The following PTCHD4 variants were observed in gnomAD, a reference collection of about 807,000 sequenced individuals.
The protein encoded by PTCHD4 is patched domain containing 4, also known as patched domain-containing protein 4.
PTCHD4 carries 33 observed loss-of-function variants against 58.1 expected under a neutral mutation model. The observed-to-expected ratio is 0.57, with a 90% CI of 0.43 to 0.76. The LOEUF (loss-of-function observed/expected upper bound fraction) is 0.76, where lower values mean the gene tolerates loss of function less well. Among genes scored for constraint, PTCHD4 ranks in the 30% least tolerant of loss-of-function variants. PTCHD4 has a pLI of 0.00. For synonymous variants in PTCHD4, 478 were observed against 409.6 expected, an observed-to-expected ratio of 1.17 and a Z score of -2.02; for missense variants, 1,058 against 1,027.1, an observed-to-expected ratio of 1.03 and a Z score of -0.41.
At chr6:48,074,881 T>G (rs906258940) in intron 1 of PTCHD4, among the ~76,000 whole-genome samples, 1 of 152,230 alleles carries the variant, frequency 6.6e-6, no homozygotes, top group African/African-American at 2.4e-5. Flanking sequence ...AATTCATTTA[T>G]GTTAAAAAGC....
intron 4 of PTCHD4, among the ~76,000 whole-genome samples, chr6:47,958,332 C>T (rs1766949637): frequency 6.6e-6 from 1 of 152,100 alleles, no homozygotes; most frequent in South Asian, 2.1e-4. Context: ...AAGAACAAGA[C>T]CACAAGACAA....
chr6:47,951,610 C>A (rs1442005743), intron 4 of PTCHD4, among the ~76,000 whole-genome samples: 2 of 152,072 alleles, frequency 1.3e-5, no homozygotes, highest in Non-Finnish European at 2.9e-5. Context: ...GGCCATGCCC[C>A]AAACAAGGAA....
chr6:48,011,178 A>G lies in PTCHD4; in HGVS notation c.418-2064T>C, dbSNP rs374982358. 8.5e-5 allele frequency among the ~76,000 whole-genome samples: 13 copies of G among 152,204 alleles called. No homozygotes were observed. The East Asian group carries it at 2.1e-3, about 25-fold the overall frequency. On this transcript the variant is annotated intron_variant, in intron 3 of 4. Coordinates refer to ENST00000339488, the MANE Select transcript of PTCHD4 (RefSeq NM_001384253.1). ...CACTGTCTTCCACAATGGTTGAACTAATTTACACTCCCACCAACAGTGTAA... is the reference window on the plus strand; with the variant it reads ...CACTGTCTTCCACAATGGTTGAACTGATTTACACTCCCACCAACAGTGTAA...
At chr6:48,083,006 T>C (rs928461965) in intron 1 of PTCHD4, among the ~76,000 whole-genome samples, 9 of 151,782 alleles carry the variant, frequency 5.9e-5, no homozygotes, top group South Asian at 2.1e-4. Flanking sequence ...AATATAAGCA[T>C]ATAAATAGTT....
At chr6:47,886,439 A>T (rs1351343772) in intron 4 of PTCHD4, among the ~76,000 whole-genome samples, 1 of 152,150 alleles carries the variant, frequency 6.6e-6, no homozygotes, top group Non-Finnish European at 1.5e-5. Context: ...GCTAATCAAG[A>T]TATGAAAGCT....
intron 4 of PTCHD4, among the ~76,000 whole-genome samples, chr6:47,956,408 T>A (rs1231949257): frequency 1.3e-5 from 2 of 152,140 alleles, no homozygotes; most frequent in African/African-American, 4.8e-5. Context: ...GGCAAGTATT[T>A]GAAGCCAGAG....
chr6:48,109,898 G>T (rs1460687830), intron 1 of PTCHD4, among the ~76,000 whole-genome samples: 1 of 151,920 alleles, frequency 6.6e-6, no homozygotes, highest in Non-Finnish European at 1.5e-5. Flanking sequence ...CACACCTATT[G>T]GGATGGCTAT....
At chr6:48,095,686 C>T (rs996356504) in intron 1 of PTCHD4, among the ~76,000 whole-genome samples, 2 of 147,808 alleles carry the variant, frequency 1.4e-5, no homozygotes, top group Non-Finnish European at 3.0e-5. Context: ...AAGACTCCGT[C>T]TCAAAAACAA....
chr6:47,992,404 T>A (rs879612384), intron 4 of PTCHD4, among the ~76,000 whole-genome samples: 1 of 152,196 alleles, frequency 6.6e-6, no homozygotes, highest in Non-Finnish European at 1.5e-5. Context: ...CCAATTTACA[T>A]GTTATCACAA....
At chr6:47,922,026 T>C (rs1012514028) in intron 4 of PTCHD4, among the ~76,000 whole-genome samples, 2 of 151,390 alleles carry the variant, frequency 1.3e-5, no homozygotes, top group Non-Finnish European at 2.9e-5. Flanking sequence ...GAGCCCCAGT[T>C]ACTTGGGAGG....
Position 48,068,497 on chromosome 6 carries a change from T to A in PTCHD4, c.150A>T (p.Thr50=). Residue 50 remains threonine (T), a synonymous_variant, in exon 3 of 5, where the codon ACA becomes ACT. Transcript: ENST00000339488. The surrounding 1 kb of genome is among the most constrained non-coding windows in gnomAD (Gnocchi z 4.2). ...TGAGCGCGCTGAGGCCGAAGGTGAT[T>A]GTCAGGACTGCGGGCACGGTGAGGA... ...VFFLTVPAVL[T]ITFGLSALNR... 1.2e-6 allele frequency: 2 copies of A among 1,613,320 alleles called. No individual in the cohort carries two copies. Among genetic ancestry groups the A allele is most frequent in the Admixed American group, 1.7e-5 (1 of 60,000 alleles).
At chr6:47,982,777 G>A (rs532389006) in intron 4 of PTCHD4, among the ~76,000 whole-genome samples, 3 of 152,206 alleles carry the variant, frequency 2.0e-5, no homozygotes, top group Non-Finnish European at 2.9e-5. Context: ...ATGAGCCACC[G>A]CACCCAGCCG....
intron 4 of PTCHD4, among the ~76,000 whole-genome samples, chr6:47,895,935 C>T (rs928738513): frequency 2.0e-5 from 3 of 152,102 alleles, no homozygotes; most frequent in Non-Finnish European, 2.9e-5. Flanking sequence ...AATGAAAATG[C>T]CTTGAAACCA....
Position 47,869,866 on chromosome 6 carries a change from T to G in PTCHD4, c.*8437A>C, listed in dbSNP as rs1328975. On this transcript the variant is annotated 3_prime_UTR_variant, in exon 5 of 5. Transcript: ENST00000339488. The stretch of plus-strand genomic sequence containing the variant: ...CTTAGCCTAGAATTAAAAGGTAGCA[T>G]GCTCGAAGTTCTCACTGAGGTTAGA... Among the ~76,000 whole-genome samples the G allele has an allele frequency of 2.5e-3, 372 of 151,488 alleles. 1 individual carries two copies. The highest frequency in any genetic ancestry group is 0.016 in the South Asian group (76 of 4,824).
rs1157424679 is a variant in PTCHD4, at chr6:47,875,283, A to G, written c.*3020T>C. On this transcript the variant is annotated 3_prime_UTR_variant, in exon 5 of 5. Coordinates refer to ENST00000339488, the MANE Select transcript of PTCHD4 (RefSeq NM_001384253.1). ...AAAACAATGAGTGCAAACTGGAAAA[A>G]CTAGGGAGAGGTGCATACAAGCTAC... is the stretch of plus-strand genomic sequence containing the variant. Among the ~76,000 whole-genome samples the G allele has an allele frequency of 6.6e-6, 1 of 151,790 alleles. No homozygotes were observed. Among genetic ancestry groups the G allele is most frequent in the Non-Finnish European group, 1.5e-5 (1 of 67,846 alleles).
intron 3 of PTCHD4, among the ~76,000 whole-genome samples, chr6:48,019,749 AT>A (rs201375295): frequency 0.015 from 2,208 of 149,852 alleles, 51 homozygotes; most frequent in African/African-American, 0.051. Flanking sequence ...AAAAAAAAAA[AT>A]AATAATATAT....
chr6:48,082,732 C>A (rs1197967883), intron 1 of PTCHD4, among the ~76,000 whole-genome samples: 1 of 151,874 alleles, frequency 6.6e-6, no homozygotes, highest in Non-Finnish European at 1.5e-5. Context: ...TTTTATATTC[C>A]CACAAAATTA....
In PTCHD4 at chr6:47,886,838, G is replaced by A. The variant is rs531532323; in HGVS notation, c.899-6902C>T. On this transcript the variant is annotated intron_variant, in intron 4 of 4. Coordinates refer to ENST00000339488, the MANE Select transcript of PTCHD4 (RefSeq NM_001384253.1). ...GTTCTCAAGCATAATCTCACCACTC[G>A]AACATGCGTGATCTCTAACACTTTC... Among the ~76,000 whole-genome samples, 4 of 152,136 alleles carry A rather than the reference G, an allele frequency of 2.6e-5. No individual in the cohort carries two copies. In the East Asian group the frequency reaches 5.8e-4, roughly 22 times the overall value.
chr6:48,107,485 A>G (rs934025775), intron 1 of PTCHD4, among the ~76,000 whole-genome samples: 1 of 152,182 alleles, frequency 6.6e-6, no homozygotes, highest in Non-Finnish European at 1.5e-5. Flanking sequence ...TAGACCTAAA[A>G]CCATAAAAAC....
Sources: gnomAD v4.1 joint callset for allele counts (sites outside exome capture counted in the v4.1 genomes callset) on GRCh38, gnomAD v4.1.1 for gene constraint, Gnocchi (gnomAD v3.1) non-coding constraint, MANE v1.5 for transcripts, NCBI Gene and HGNC (gene_info 2026-07-23, HGNC 2026-07-21) for gene names.